The following CDH18 variants were observed in gnomAD, a reference collection of about 807,000 sequenced individuals.
CDH18 encodes the protein cadherin 18.
CDH18 carries 31 observed loss-of-function variants against 67.9 expected under a neutral mutation model. The ratio of observed to expected loss-of-function variants is 0.46; its 90% CI spans 0.34 to 0.62. CDH18 has a LOEUF of 0.62. CDH18 is among the 20% of genes least tolerant of loss of function. CDH18 has a pLI of 0.01. For missense variants in CDH18, 890 were observed against 975.5 expected (o/e 0.91, Z 1.17); for synonymous variants, 362 against 347.2 (o/e 1.04, Z -0.48).
At chr5:20,087,100 G>T (rs912112222) in intron 2 of CDH18, among the ~76,000 whole-genome samples, 1 of 152,118 alleles carries the variant, frequency 6.6e-6, no homozygotes, top group Non-Finnish European at 1.5e-5. Flanking sequence ...AAAAGAAATT[G>T]ATTCCAATGC....
intron 2 of CDH18, among the ~76,000 whole-genome samples, chr5:20,109,941 T>C (rs1747313168): frequency 6.6e-6 from 1 of 152,208 alleles, no homozygotes. Flanking sequence ...TAAAGCAATG[T>C]TTTGGTATTG....
intron 1 of CDH18, among the ~76,000 whole-genome samples, chr5:20,422,539 A>G (rs1420147785): frequency 6.6e-6 from 1 of 151,070 alleles, no homozygotes; most frequent in South Asian, 2.1e-4. Context: ...TTTATATTAC[A>G]TATAAATTTT....
chr5:20,065,818 A>T (rs1188334933), intron 2 of CDH18, among the ~76,000 whole-genome samples: 1 of 152,004 alleles, frequency 6.6e-6, no homozygotes, highest in African/African-American at 2.4e-5. Flanking sequence ...AAAAATCCTA[A>T]ATCCAACCAT....
At chr5:19,753,726 C>T (rs1771155957) in intron 3 of CDH18, among the ~76,000 whole-genome samples, 1 of 152,134 alleles carries the variant, frequency 6.6e-6, no homozygotes, top group Non-Finnish European at 1.5e-5. Flanking sequence ...TGCTGTGAGA[C>T]AAAAGCTCCA....
Position 19,721,399 on chromosome 5 carries a change from C to T in CDH18, c.591G>A (p.Val197=), listed in dbSNP as rs1250180964. The T allele has an allele frequency of 1.2e-6, 2 of 1,609,258 alleles. No homozygotes were observed. Among genetic ancestry groups the T allele is most frequent in the Non-Finnish European group, 1.7e-6 (2 of 1,176,450 alleles). Residue 197 remains valine, a synonymous_variant, in exon 5 of 13, where the codon GTG becomes GTA. Coordinates refer to ENST00000382275, the MANE Select transcript of CDH18 (RefSeq NM_004934.5). ...DDPTYGNSAR[V]VYSILQGQPY... ...GTTGTCCTTGGAGAATGCTGTAAAC[C>T]ACCCGAGCGCTGTTTCCATAGGTAG...
chr5:19,494,350 T>C (rs901924573), intron 11 of CDH18, among the ~76,000 whole-genome samples: 3 of 152,196 alleles, frequency 2.0e-5, no homozygotes, highest in African/African-American at 7.2e-5. Flanking sequence ...TGCCTATATG[T>C]CTCCATTTTA....
chr5:20,551,890 A>G (rs1194436501), intron 1 of CDH18, among the ~76,000 whole-genome samples: 2 of 152,094 alleles, frequency 1.3e-5, no homozygotes, highest in African/African-American at 2.4e-5. Flanking sequence ...TAGTTAATCT[A>G]TATCTCTTTA....
At chr5:19,971,437 G>A (rs1306247622) in intron 2 of CDH18, among the ~76,000 whole-genome samples, 1 of 151,868 alleles carries the variant, frequency 6.6e-6, no homozygotes, top group Admixed American at 6.6e-5. Flanking sequence ...TATTACCAGA[G>A]CTTCACATAT....
At chr5:19,850,867 G>A (rs960228471) in intron 2 of CDH18, among the ~76,000 whole-genome samples, 13 of 151,778 alleles carry the variant, frequency 8.6e-5, no homozygotes, top group Non-Finnish European at 1.6e-4. Flanking sequence ...GCAACGTGCT[G>A]TACATATATC....
intron 7 of CDH18, among the ~76,000 whole-genome samples, chr5:19,581,301 G>C (rs1483608504): frequency 1.3e-5 from 2 of 151,708 alleles, no homozygotes; most frequent in Non-Finnish European, 2.9e-5. Flanking sequence ...TTTCTAACTT[G>C]TAAAGTAGTA....
At chr5:19,681,446 C>A (rs1760312825) in intron 5 of CDH18, among the ~76,000 whole-genome samples, 1 of 151,854 alleles carries the variant, frequency 6.6e-6, no homozygotes, top group South Asian at 2.1e-4. Context: ...AGATGCAGTC[C>A]TCTTTATTTA....
chr5:19,649,522 T>C (rs1475616307), intron 5 of CDH18, among the ~76,000 whole-genome samples: 1 of 152,054 alleles, frequency 6.6e-6, no homozygotes, highest in African/African-American at 2.4e-5. Context: ...TTTTAACCAA[T>C]TGACTTATGT....
intron 2 of CDH18, among the ~76,000 whole-genome samples, chr5:20,094,929 G>A (rs948933611): frequency 2.6e-5 from 4 of 152,016 alleles, no homozygotes; most frequent in Non-Finnish European, 5.9e-5. Flanking sequence ...ATGATAAACT[G>A]GATAAAGAAA....
intron 1 of CDH18, among the ~76,000 whole-genome samples, chr5:20,385,628 C>T (rs552914890): frequency 6.6e-6 from 1 of 152,234 alleles, no homozygotes; most frequent in Admixed American, 6.5e-5. Context: ...ACACAATCAC[C>T]TCATCAAACT....
chr5:19,750,890 G>A (rs745716783), intron 3 of CDH18, among the ~76,000 whole-genome samples: 4 of 151,404 alleles, frequency 2.6e-5, no homozygotes, highest in Non-Finnish European at 5.9e-5. Context: ...TTTTCATGCT[G>A]AAAGATAGAC....
chr5:20,056,449 T>G, intron 2 of CDH18, among the ~76,000 whole-genome samples: 1 of 148,230 alleles, frequency 6.7e-6, no homozygotes, highest in Non-Finnish European at 1.5e-5. Flanking sequence ...CTTTATTTTT[T>G]TATTATTTTT....
At chr5:19,948,799 C>A (rs954191122) in intron 2 of CDH18, among the ~76,000 whole-genome samples, 2 of 152,126 alleles carry the variant, frequency 1.3e-5, no homozygotes, top group African/African-American at 4.8e-5. Flanking sequence ...TCTCCCTGTA[C>A]TTTTGTCCAA....
At chr5:19,886,541 T>C (rs1051139277) in intron 2 of CDH18, among the ~76,000 whole-genome samples, 1 of 152,214 alleles carries the variant, frequency 6.6e-6, no homozygotes, top group Non-Finnish European at 1.5e-5. Flanking sequence ...AGGATGTTCC[T>C]GAGATTTGCT....
intron 6 of CDH18, among the ~76,000 whole-genome samples, chr5:19,595,280 A>G (rs1257707625): frequency 6.6e-6 from 1 of 152,232 alleles, no homozygotes; most frequent in Non-Finnish European, 1.5e-5. Context: ...ATGTAAAAAG[A>G]CAAAAGGAAG....
Sources: gnomAD v4.1 joint callset for allele counts (sites outside exome capture counted in the v4.1 genomes callset) on GRCh38, gnomAD v4.1.1 for gene constraint, MANE v1.5 for transcripts, NCBI Gene and HGNC (gene_info 2026-07-23, HGNC 2026-07-21) for gene names.